The following FAM117A variants were observed in gnomAD, a reference collection of about 807,000 sequenced individuals.
FAM117A encodes the protein family with sequence similarity 117 member A.
FAM117A carries 21 observed loss-of-function variants against 44.1 expected under a neutral mutation model. The observed-to-expected ratio is 0.48, with a 90% CI of 0.34 to 0.69. The LOEUF is 0.69. FAM117A is among the 30% of genes least tolerant of loss of function. The probability of loss-of-function intolerance (pLI) is 0.01; values close to 1 mark genes in which losing one functional copy is unlikely to be tolerated. For synonymous variants in FAM117A, 220 were observed against 238.3 expected (o/e 0.92, Z 0.71); for missense variants, 498 against 589.9 (o/e 0.84, Z 1.61).
chr17:49,722,490 G>T lies in FAM117A; in HGVS notation c.462+9C>A. ...CTACCCTAGGCAGGGAGTCAAAGTG[G>T]GTAGCTACCTCTTTTCGGTGGTCTG... On this transcript the variant is annotated intron_variant, in intron 3 of 7. Coordinates refer to ENST00000240364, the MANE Select transcript of FAM117A (RefSeq NM_030802.4). 3 of 1,612,516 alleles carry T rather than the reference G, an allele frequency of 1.9e-6. No homozygotes were observed. Among genetic ancestry groups the T allele is most frequent in the Non-Finnish European group, 2.5e-6 (3 of 1,179,158 alleles).
At chr17:49,719,561 G>A in intron 5 of FAM117A, 199 bp downstream of exon 5, 1 of 589,862 alleles carries the variant, frequency 1.7e-6, no homozygotes. Flanking sequence ...CCACCACAAA[G>A]CCTGCCCTAG....
At chr17:49,761,650 A>G (rs2073722846) in intron 1 of FAM117A, among the ~76,000 whole-genome samples, 1 of 152,186 alleles carries the variant, frequency 6.6e-6, no homozygotes, top group Non-Finnish European at 1.5e-5. Context: ...TTATGACTAC[A>G]AGGGGTTTCC....
At chr17:49,713,375 C>G (rs1362907167) in intron 7 of FAM117A, among the ~76,000 whole-genome samples, 1 of 152,156 alleles carries the variant, frequency 6.6e-6, no homozygotes, top group African/African-American at 2.4e-5. Flanking sequence ...GGTGAGAAGA[C>G]AAAGGTATGG....
chr17:49,733,002 G>T, intron 1 of FAM117A: 7 of 340,514 alleles, frequency 2.1e-5, no homozygotes, highest in South Asian at 1.4e-4. Flanking sequence ...TGCTCCTAAT[G>T]GACTATGAAC....
intron 2 of FAM117A, among the ~76,000 whole-genome samples, chr17:49,731,096 G>A (rs1052379786): frequency 4.6e-5 from 7 of 152,138 alleles, no homozygotes; most frequent in Admixed American, 2.0e-4. Flanking sequence ...AAAATGGATC[G>A]CATTAACAAA....
intron 1 of FAM117A, among the ~76,000 whole-genome samples, chr17:49,772,886 T>C (rs2143798074): frequency 6.6e-6 from 1 of 152,286 alleles, no homozygotes; most frequent in Non-Finnish European, 1.5e-5. Flanking sequence ...AAAATATCAT[T>C]TATGGCCAGG....
intron 1 of FAM117A, among the ~76,000 whole-genome samples, chr17:49,735,402 A>G (rs1012741606): frequency 7.9e-5 from 12 of 151,612 alleles, no homozygotes; most frequent in African/African-American, 2.9e-4. Flanking sequence ...AAAAAAAAAG[A>G]CACTAACAAT....
At chr17:49,788,269 G>A (rs997796998) in intron 1 of FAM117A, among the ~76,000 whole-genome samples, 5 of 152,044 alleles carry the variant, frequency 3.3e-5, no homozygotes, top group South Asian at 2.1e-4. Flanking sequence ...ACATCCCTCC[G>A]CAACTTTGAG....
upstream of FAM117A, among the ~76,000 whole-genome samples, chr17:49,767,897 T>C (rs2073749891): frequency 6.6e-6 from 1 of 151,326 alleles, no homozygotes; most frequent in Admixed American, 6.6e-5. Context: ...AGCAAGACTG[T>C]CTAAAAATAA....
Position 49,713,061 on chromosome 17 carries a change from T to G in FAM117A, c.1062-1506A>C, listed in dbSNP as rs138167515. On this transcript the variant is annotated intron_variant, in intron 7 of 7. Coordinates refer to ENST00000240364, the MANE Select transcript of FAM117A (RefSeq NM_030802.4). ...AGGCTAATTTTATTATTATTATTAT[T>G]TTTTTAGTAGAGATGGGAGTCTCAC... Among the ~76,000 whole-genome samples, 17 of 152,112 alleles carry G rather than the reference T, an allele frequency of 1.1e-4. No homozygotes were observed. The East Asian group carries it at 3.3e-3, about 29-fold the overall frequency.
chr17:49,710,581 A>G lies in FAM117A; in HGVS notation c.*674T>C, dbSNP rs2073472309. 1 of 152,576 alleles carries G rather than the reference A, an allele frequency of 6.6e-6. No homozygotes were observed. Among genetic ancestry groups the G allele is most frequent in the African/African-American group, 2.4e-5 (1 of 41,426 alleles). 9.5% of individuals were successfully genotyped at this position (152,576 alleles called of 1,614,324 possible). A position where few individuals can be genotyped will look rare whatever the true frequency, so the allele number is the denominator to read the frequency against. Reference sequence around the variant, plus strand: ...TCCAGCCCTGGGGCGGGCGGAGAGTATAGAGTCGCCATTTGCCACCTGGAG... The same window carrying G: ...TCCAGCCCTGGGGCGGGCGGAGAGTGTAGAGTCGCCATTTGCCACCTGGAG... On this transcript the variant is annotated 3_prime_UTR_variant, in exon 8 of 8. Transcript: ENST00000240364.
In FAM117A at chr17:49,743,598, G is replaced by A. The variant is rs1173728942; in HGVS notation, c.197-10878C>T. On this transcript the variant is annotated intron_variant, in intron 1 of 7. Coordinates refer to ENST00000240364, the MANE Select transcript of FAM117A (RefSeq NM_030802.4). ...CAAAACATTAGCTGGGCATGGTGGC[G>A]GGTGCCTGTAGTCCCAGCTACTTGG... Among the ~76,000 whole-genome samples, 4 of 152,012 alleles carry A rather than the reference G, an allele frequency of 2.6e-5. No homozygotes were observed. The East Asian group carries it at 5.8e-4, about 22-fold the overall frequency.
At chr17:49,739,396 G>C (rs1401152753) in intron 1 of FAM117A, among the ~76,000 whole-genome samples, 1 of 152,084 alleles carries the variant, frequency 6.6e-6, no homozygotes, top group Non-Finnish European at 1.5e-5. Context: ...AGTGATGCAG[G>C]GTAGAATACA....
upstream of FAM117A, chr17:49,765,574 T>A (rs1299702297): frequency 6.6e-6 from 1 of 152,226 alleles, no homozygotes; most frequent in Non-Finnish European, 1.5e-5. Flanking sequence ...CAATGGAACA[T>A]ACCGAAGAAA....
Position 49,711,150 on chromosome 17 carries a change from G to T in FAM117A, c.*105C>A. ...CAGTAAGTGAAAGAAAGTGCTCGAAGGCCGAGAGGGAAGGGCCCCTCCATA... is the reference window on the plus strand; with the variant it reads ...CAGTAAGTGAAAGAAAGTGCTCGAATGCCGAGAGGGAAGGGCCCCTCCATA... On this transcript the variant is annotated 3_prime_UTR_variant, in exon 8 of 8. Transcript: ENST00000240364. 8.7e-7 allele frequency: 1 copy of T among 1,154,402 alleles called. No individual in the cohort carries two copies. The highest frequency in any genetic ancestry group is 1.2e-6 in the Non-Finnish European group (1 of 827,642). The allele number at this position is 1,154,402 out of a possible 1,614,324, so 71.5% of individuals were successfully genotyped here. A position where few individuals can be genotyped will look rare whatever the true frequency, so the allele number is the denominator to read the frequency against.
chr17:49,782,689 CAA>C lies in FAM117A; in HGVS notation c.-621+5806_-621+5807del, dbSNP rs74562078. On this transcript the variant is annotated intron_variant, in intron 1 of 7. Coordinates refer to the FAM117A transcript ENST00000513602. ...TGGGTGACAGAGCTAGACTTTGTCT[CAA>C]AAAAAAAAAAAAAAAAAAAACCCTT... is the stretch of plus-strand genomic sequence containing the variant. Among the ~76,000 whole-genome samples the C allele has an allele frequency of 3.1e-3, 175 of 56,176 alleles. No homozygotes were observed. The East Asian group carries it at 0.047, about 15-fold the overall frequency. 36.9% of individuals were successfully genotyped at this position (56,176 alleles called of 152,430 possible).
At chr17:49,760,824 C>A (rs1039840393) in intron 1 of FAM117A, among the ~76,000 whole-genome samples, 3 of 152,182 alleles carry the variant, frequency 2.0e-5, no homozygotes, top group Non-Finnish European at 4.4e-5. Context: ...CATTAAGACA[C>A]AAAAGAGAAT....
chr17:49,777,678 G>A (rs2073778978), intron 1 of FAM117A, among the ~76,000 whole-genome samples: 1 of 152,160 alleles, frequency 6.6e-6, no homozygotes, highest in African/African-American at 2.4e-5. Flanking sequence ...GGGGTTAAGT[G>A]CCAGGGATGG....
chr17:49,725,282 G>C (rs910378374), intron 2 of FAM117A, among the ~76,000 whole-genome samples: 1 of 152,210 alleles, frequency 6.6e-6, no homozygotes, highest in Non-Finnish European at 1.5e-5. Flanking sequence ...TGGGCTCTGA[G>C]TGTACAGCAT....
Sources: gnomAD v4.1 joint callset for allele counts (sites outside exome capture counted in the v4.1 genomes callset) on GRCh38, gnomAD v4.1.1 for gene constraint, MANE v1.5 for transcripts, NCBI Gene and HGNC (gene_info 2026-07-23, HGNC 2026-07-21) for gene names.